The following LPAR3 variants were observed in gnomAD, a reference collection of about 807,000 sequenced individuals.
LPAR3 encodes the protein LPA receptor 3.
Under a neutral mutation model 17.8 loss-of-function variants are expected in LPAR3, and 7 were observed. That is an observed-to-expected ratio of 0.39 (90% CI 0.22 to 0.74). The LOEUF (loss-of-function observed/expected upper bound fraction) is 0.74, where lower values mean the gene tolerates loss of function less well. Ranked by LOEUF, LPAR3 falls within the 30% of genes least tolerant of loss-of-function variation. LPAR3 has a pLI of 0.40. For synonymous variants in LPAR3, 179 were observed against 179.9 expected (o/e 0.99, Z 0.04); for missense variants, 391 against 453.4 (o/e 0.86, Z 1.25).
intron 1 of LPAR3, among the ~76,000 whole-genome samples, chr1:84,888,336 A>G (rs1456898082): frequency 6.6e-6 from 1 of 152,066 alleles, no homozygotes; most frequent in East Asian, 1.9e-4. Flanking sequence ...GGCCTTCCTT[A>G]CCCCCATTCG....
At chr1:84,874,268 G>A (rs1395938895) in intron 1 of LPAR3, among the ~76,000 whole-genome samples, 4 of 152,164 alleles carry the variant, frequency 2.6e-5, no homozygotes, top group African/African-American at 7.2e-5. Context: ...ATGGTGACAC[G>A]CAGGGAAAAC....
intron 2 of LPAR3, among the ~76,000 whole-genome samples, chr1:84,864,651 G>T (rs1660004811): frequency 6.6e-6 from 1 of 152,002 alleles, no homozygotes; most frequent in African/African-American, 2.4e-5. Flanking sequence ...GCATGGTGGT[G>T]CGCTGCCTGT....
chr1:84,822,974 C>T (rs1659085539), intron 2 of LPAR3, among the ~76,000 whole-genome samples: 1 of 152,162 alleles, frequency 6.6e-6, no homozygotes, highest in African/African-American at 2.4e-5. Context: ...AATCTGTTCA[C>T]TGTCTTAATC....
intron 2 of LPAR3, among the ~76,000 whole-genome samples, chr1:84,817,291 A>ACACACACC (rs1000146030): frequency 4.8e-5 from 7 of 144,574 alleles, no homozygotes; most frequent in African/African-American, 1.3e-4. Context: ...ACACACACAC[A>ACACACACC]CCCCTCACTT....
intron 2 of LPAR3, among the ~76,000 whole-genome samples, chr1:84,863,911 T>TA (rs1419995188): frequency 6.6e-6 from 1 of 152,068 alleles, no homozygotes; most frequent in Non-Finnish European, 1.5e-5. Flanking sequence ...GTAAATCCTT[T>TA]AAAAAATATC....
At chr1:84,833,950 T>C (rs1309567612) in intron 2 of LPAR3, among the ~76,000 whole-genome samples, 1 of 152,200 alleles carries the variant, frequency 6.6e-6, no homozygotes, top group Admixed American at 6.5e-5. Flanking sequence ...CTAAGTGAGA[T>C]GCAGAAACTA....
At chr1:84,887,001 A>G (rs1660473276) in intron 1 of LPAR3, among the ~76,000 whole-genome samples, 1 of 152,202 alleles carries the variant, frequency 6.6e-6, no homozygotes, top group Admixed American at 6.5e-5. Flanking sequence ...AAAACATAAC[A>G]GAAAAATAAA....
chr1:84,826,988 A>G (rs1271933195), intron 2 of LPAR3, among the ~76,000 whole-genome samples: 1 of 152,230 alleles, frequency 6.6e-6, no homozygotes, highest in African/African-American at 2.4e-5. Context: ...GAAACTCTAA[A>G]GTCATGACTG....
chr1:84,889,663 T>C (rs1004995378), intron 1 of LPAR3, among the ~76,000 whole-genome samples: 1 of 152,224 alleles, frequency 6.6e-6, no homozygotes, highest in African/African-American at 2.4e-5. Context: ...TCCAGTATGA[T>C]GTCAGAGGAC....
At chr1:84,887,286 A>T (rs1218756633) in intron 1 of LPAR3, among the ~76,000 whole-genome samples, 1 of 151,680 alleles carries the variant, frequency 6.6e-6, no homozygotes, top group Non-Finnish European at 1.5e-5. Context: ...CTGAGGCAGG[A>T]GGATCACTTG....
At position 84,813,241 on chromosome 1, in the gene LPAR3, A is replaced by C. The variant is rs544193328; in HGVS notation, c.*605T>G. On this transcript the variant is annotated 3_prime_UTR_variant, in exon 3 of 3. Transcript: ENST00000370611. ...TACTAAGGCCTTTTTCAGGTCAAAA[A>C]GGGTTTTCACATTGACCTTTTTTAC... The C allele has an allele frequency of 7.6e-6, 1 of 132,168 alleles. No homozygotes were observed. The highest frequency in any genetic ancestry group is 7.6e-5 in the Admixed American group (1 of 13,072). 8.2% of individuals were successfully genotyped at this position (132,168 alleles called of 1,614,324 possible).
rs546819063 is a variant in LPAR3, at chr1:84,874,789, T to A, written c.-18-8651A>T. On this transcript the variant is annotated intron_variant, in intron 1 of 2. Coordinates refer to ENST00000370611, the MANE Select transcript of LPAR3 (RefSeq NM_012152.3). ...TAATCAAAATGCTTAAAATTAATAT[T>A]ATTTACACATAATATAACTGGACAT... 2.6e-5 allele frequency among the ~76,000 whole-genome samples: 4 copies of A among 152,336 alleles called. No homozygotes were observed. In the East Asian group the frequency reaches 7.7e-4, roughly 29 times the overall value.
chr1:84,817,261 TCACA>T (rs71097861), intron 2 of LPAR3, among the ~76,000 whole-genome samples: 40,502 of 147,376 alleles, frequency 0.27, 6,146 homozygotes, highest in East Asian at 0.55. Context: ...CCAGGATCTA[TCACA>T]CACACACACA....
intron 1 of LPAR3, 32 bp from the exon 2 acceptor site, chr1:84,866,170 C>T: frequency 6.8e-7 from 1 of 1,472,444 alleles, no homozygotes; most frequent in South Asian, 1.3e-5. Context: ...AAACAAATAT[C>T]ATTTGTAAAA....
intron 1 of LPAR3, among the ~76,000 whole-genome samples, chr1:84,884,702 T>C (rs756371730): frequency 7.2e-5 from 11 of 152,196 alleles, no homozygotes; most frequent in African/African-American, 1.7e-4. Context: ...TCAGCTGAAA[T>C]AGGCCACAGA....
chr1:84,824,900 T>G lies in LPAR3; in HGVS notation c.737-10729A>C, dbSNP rs577471268. Among the ~76,000 whole-genome samples, 3 of 152,340 alleles carry G rather than the reference T, an allele frequency of 2.0e-5. No homozygotes were observed. The East Asian group carries it at 5.8e-4, about 29-fold the overall frequency. On this transcript the variant is annotated intron_variant, in intron 2 of 2. Transcript: ENST00000370611. Reference sequence around the variant, plus strand: ...CAGGGGAGATCTCTTTTGTGCCTTATTCAACTTAGATTACCCAGTGCTTAG... The same window carrying G: ...CAGGGGAGATCTCTTTTGTGCCTTAGTCAACTTAGATTACCCAGTGCTTAG...
At chr1:84,872,679 T>C (rs929732013) in intron 1 of LPAR3, among the ~76,000 whole-genome samples, 1 of 152,046 alleles carries the variant, frequency 6.6e-6, no homozygotes, top group African/African-American at 2.4e-5. Flanking sequence ...ATAAATAACA[T>C]AGATATTCCG....
intron 2 of LPAR3, among the ~76,000 whole-genome samples, chr1:84,833,438 C>T (rs954011474): frequency 1.3e-5 from 2 of 152,156 alleles, no homozygotes; most frequent in Non-Finnish European, 2.9e-5. Context: ...AAATCCCCCT[C>T]CTGGGATTGG....
chr1:84,828,111 T>TC (rs896464390), intron 2 of LPAR3, among the ~76,000 whole-genome samples: 1 of 151,866 alleles, frequency 6.6e-6, no homozygotes, highest in African/African-American at 2.4e-5. Flanking sequence ...CACATTCATC[T>TC]CTCTCTCTCT....
Sources: gnomAD v4.1 joint callset for allele counts (sites outside exome capture counted in the v4.1 genomes callset) on GRCh38, gnomAD v4.1.1 for gene constraint, MANE v1.5 for transcripts, NCBI Gene and HGNC (gene_info 2026-07-23, HGNC 2026-07-21) for gene names.